The following PRDM6 variants were observed in gnomAD, a reference collection of about 807,000 sequenced individuals.
The protein encoded by PRDM6 is putative histone-lysine N-methyltransferase PRDM6.
In PRDM6, 25 loss-of-function variants were observed where a neutral mutation model predicts 60.8. The observed-to-expected ratio is 0.41, with a 90% CI of 0.30 to 0.57. The LOEUF (loss-of-function observed/expected upper bound fraction) is 0.57, where lower values mean the gene tolerates loss of function less well. Among genes scored for constraint, PRDM6 ranks in the 20% least tolerant of loss-of-function variants. PRDM6 has a pLI of 0.27. For missense variants in PRDM6, 839 were observed against 821.3 expected (o/e 1.02, Z -0.26); for synonymous variants, 407 against 357.4 (o/e 1.14, Z -1.57).
Position 123,187,353 on chromosome 5 carries a change from G to C in PRDM6, c.*152G>C. 1 of 551,394 alleles carries C rather than the reference G, an allele frequency of 1.8e-6. No individual in the cohort carries two copies. Among genetic ancestry groups the C allele is most frequent in the South Asian group, 2.1e-5 (1 of 47,886 alleles). 34.2% of individuals were successfully genotyped at this position (551,394 alleles called of 1,614,324 possible). A position where few individuals can be genotyped will look rare whatever the true frequency, so the allele number is the denominator to read the frequency against. On this transcript the variant is annotated 3_prime_UTR_variant, in exon 8 of 8. Transcript: ENST00000407847. ...AATAAGTAAGATGTTAAGAGATATT[G>C]ATCCTGGCATGGAAGTCAGACCAGG...
In PRDM6 at chr5:123,111,389, T is replaced by C. The variant is rs184887297; in HGVS notation, c.900+11428T>C. ...TGTTAACAAATGTCCCAGGCAGTCC[T>C]GAAACTATCCTTAAGAAACAAAACG... On this transcript the variant is annotated intron_variant, in intron 3 of 7. Transcript: ENST00000407847. 2.3e-3 allele frequency among the ~76,000 whole-genome samples: 353 copies of C among 152,278 alleles called. 3 individuals carry two copies. Among genetic ancestry groups the C allele is most frequent in the African/African-American group, 8.2e-3 (340 of 41,566 alleles).
chr5:123,096,282 A>G (rs1469153951), intron 2 of PRDM6, among the ~76,000 whole-genome samples: 1 of 151,800 alleles, frequency 6.6e-6, no homozygotes, highest in African/African-American at 2.4e-5. Context: ...GTGTGTATAT[A>G]TAATATAATG....
intron 5 of PRDM6, among the ~76,000 whole-genome samples, chr5:123,161,010 G>A (rs1380363127): frequency 6.6e-6 from 1 of 152,216 alleles, no homozygotes; most frequent in African/African-American, 2.4e-5. Context: ...GCACAGAAAG[G>A]TGTCAGCATC....
At chr5:123,106,406 C>T (rs1764197713) in intron 3 of PRDM6, among the ~76,000 whole-genome samples, 1 of 152,118 alleles carries the variant, frequency 6.6e-6, no homozygotes, top group African/African-American at 2.4e-5. Flanking sequence ...GGCCGGGCCT[C>T]CTGACTCTGA....
intron 3 of PRDM6, among the ~76,000 whole-genome samples, chr5:123,126,353 G>A (rs146066290): frequency 6.7e-4 from 102 of 151,982 alleles, no homozygotes; most frequent in African/African-American, 2.4e-3. Flanking sequence ...AAGGAGGTGA[G>A]TGACCGCTTA....
chr5:123,090,636 C>A, intron 2 of PRDM6, 30 bp downstream of exon 2: 1 of 1,336,738 alleles, frequency 7.5e-7, no homozygotes, highest in Non-Finnish European at 9.6e-7. Context: ...GCGCTCTCTC[C>A]CGGGGCGCCG....
At chr5:123,136,893 T>C (rs955545545) in intron 3 of PRDM6, among the ~76,000 whole-genome samples, 5 of 152,208 alleles carry the variant, frequency 3.3e-5, no homozygotes, top group Non-Finnish European at 7.3e-5. Flanking sequence ...CTGAGGGGCA[T>C]CCCAAGTTTG....
intron 3 of PRDM6, among the ~76,000 whole-genome samples, chr5:123,114,553 T>C (rs1290790268): frequency 1.3e-5 from 2 of 152,226 alleles, no homozygotes; most frequent in Non-Finnish European, 2.9e-5. Context: ...GTAAGCTTAT[T>C]TGGGAAATAG....
At chr5:123,093,832 C>G (rs1763897669) in intron 2 of PRDM6, among the ~76,000 whole-genome samples, 3 of 152,080 alleles carry the variant, frequency 2.0e-5, no homozygotes, top group Admixed American at 1.3e-4. Context: ...CGGCTGTTCT[C>G]TCAGCACAGC....
chr5:123,140,710 A>G (rs866308953), intron 3 of PRDM6, among the ~76,000 whole-genome samples: 2 of 152,158 alleles, frequency 1.3e-5, no homozygotes, highest in African/African-American at 2.4e-5. Context: ...AATTGTTACA[A>G]AGTAAATGTC....
intron 6 of PRDM6, among the ~76,000 whole-genome samples, chr5:123,174,709 C>A (rs977525745): frequency 1.3e-5 from 2 of 152,094 alleles, no homozygotes; most frequent in African/African-American, 4.8e-5. Context: ...CCTCAGGGAT[C>A]CCAGCCTCAC....
At chr5:123,140,411 A>G (rs951992307) in intron 3 of PRDM6, among the ~76,000 whole-genome samples, 2 of 152,192 alleles carry the variant, frequency 1.3e-5, no homozygotes, top group African/African-American at 4.8e-5. Flanking sequence ...TATTAATACC[A>G]TCTTTGAAAT....
intron 7 of PRDM6, 97 bp downstream of exon 7, chr5:123,180,420 C>A: frequency 7.9e-7 from 1 of 1,270,688 alleles, no homozygotes; most frequent in Non-Finnish European, 1.1e-6. Flanking sequence ...AGCCAGCTGG[C>A]ACAGGCTACT....
At position 123,192,567 on chromosome 5, in the gene PRDM6, A is replaced by G. The variant is rs1766453251; in HGVS notation, c.*5366A>G. The stretch of plus-strand genomic sequence containing the variant: ...TTCAACTATTCCATTGCTGTCAGGC[A>G]TTGTTTTTGTTTTTCTAAGCAGGAA... On this transcript the variant is annotated 3_prime_UTR_variant, in exon 8 of 8. Coordinates refer to ENST00000407847, the MANE Select transcript of PRDM6 (RefSeq NM_001136239.4). 6.6e-6 allele frequency: 1 copy of G among 152,174 alleles called. No individual in the cohort carries two copies. Among genetic ancestry groups the G allele is most frequent in the Non-Finnish European group, 1.5e-5 (1 of 68,026 alleles). 9.4% of individuals were successfully genotyped at this position (152,174 alleles called of 1,614,324 possible).
rs879890533 is a variant in PRDM6, at chr5:123,125,162, C to G, written c.900+25201C>G. Among the ~76,000 whole-genome samples, 195 of 61,372 alleles carry G rather than the reference C, an allele frequency of 3.2e-3. 1 individual carries two copies. The highest frequency in any genetic ancestry group is 7.6e-3 in the Admixed American group (39 of 5,106). The allele number at this position is 61,372 out of a possible 152,430, so 40.3% of individuals were successfully genotyped here. ...CATACCGCACCCCCTCCCCCCCACC[C>G]GCCGGCCCCGCCACACACACACATG... On this transcript the variant is annotated intron_variant, in intron 3 of 7. Transcript: ENST00000407847.
intron 2 of PRDM6, among the ~76,000 whole-genome samples, chr5:123,092,723 TAC>T (rs1763869382): frequency 6.6e-6 from 1 of 152,156 alleles, no homozygotes; most frequent in Non-Finnish European, 1.5e-5. Flanking sequence ...CTATTAGAGT[TAC>T]ACCCCACGTT....
In PRDM6 at chr5:123,099,784, G is replaced by A. The variant is rs753936850; in HGVS notation, c.723G>A (p.Leu241=). 50 of 1,548,572 alleles carry A rather than the reference G, an allele frequency of 3.2e-5. No individual in the cohort carries two copies. The East Asian group carries it at 1.1e-3, about 35-fold the overall frequency. Residue 241 remains leucine, a synonymous_variant, in exon 3 of 8, where the codon CTG becomes CTA. Transcript: ENST00000407847. The surrounding 1 kb of genome is among the most constrained non-coding windows in gnomAD (Gnocchi z 4.0). ...AAPPPELPEW[L]RDLPREVCLC... Reference sequence around the variant, plus strand: ...CCCCGCCGGAGCTGCCGGAGTGGCTGCGGGACCTGCCTCGCGAGGTGTGCC... The same window carrying A: ...CCCCGCCGGAGCTGCCGGAGTGGCTACGGGACCTGCCTCGCGAGGTGTGCC...
intron 5 of PRDM6, among the ~76,000 whole-genome samples, chr5:123,170,101 T>A (rs961421217): frequency 6.6e-6 from 1 of 152,138 alleles, no homozygotes; most frequent in Non-Finnish European, 1.5e-5. Flanking sequence ...TTTGGACTTT[T>A]AAGGCCCTCT....
Position 123,170,915 on chromosome 5 carries a change from A to G in PRDM6, c.1303A>G (p.Lys435Glu). Residue 435 changes from lysine to glutamate, a missense_variant, in exon 6 of 8, where the codon AAG (lysine) becomes GAG (glutamate). Physicochemically the swap from Lys to Glu is moderately conservative, Grantham distance 56. Coordinates refer to ENST00000407847, the MANE Select transcript of PRDM6 (RefSeq NM_001136239.4). ...PCSRNFSLLD[K>E]SGPIESGFNQ... The stretch of plus-strand genomic sequence containing the variant: ...CAGCAGGAACTTCTCTCTTCTGGAT[A>G]AGTCTGGGCCCATTGAATCAGGATT... The G allele has an allele frequency of 6.4e-7, 1 of 1,552,100 alleles. No individual in the cohort carries two copies. Among genetic ancestry groups the G allele is most frequent in the South Asian group, 1.2e-5 (1 of 84,050 alleles).
Sources: gnomAD v4.1 joint callset for allele counts (sites outside exome capture counted in the v4.1 genomes callset) on GRCh38, gnomAD v4.1.1 for gene constraint, Gnocchi (gnomAD v3.1) non-coding constraint, MANE v1.5 for transcripts, NCBI Gene and HGNC (gene_info 2026-07-23, HGNC 2026-07-21) for gene names.